Variants in ANO3 observed in about 807,000 individuals in gnomAD.
ANO3 encodes anoctamin 3.
ANO3 carries 99 observed loss-of-function variants against 144.8 expected under a neutral mutation model. The observed-to-expected ratio is 0.68, with a 90% CI of 0.58 to 0.81. The LOEUF is 0.81. ANO3 is among the 30% of genes least tolerant of loss of function. The pLI, the probability that ANO3 is intolerant of heterozygous loss-of-function variation, is 0.00. For synonymous variants in ANO3, 414 were observed against 392.6 expected, an observed-to-expected ratio of 1.05 and a Z score of -0.64; for missense variants, 905 against 1,202.2, an observed-to-expected ratio of 0.75 and a Z score of 3.66.
chr11:26,552,501 G>A (rs141065100), intron 12 of ANO3, among the ~76,000 whole-genome samples: 4,111 of 152,126 alleles, frequency 0.027, 94 homozygotes, highest in Non-Finnish European at 0.044. Flanking sequence ...AGAGGAAAGG[G>A]CACAAAGCGT....
chr11:26,459,660 G>A (rs576146590), intron 3 of ANO3, among the ~76,000 whole-genome samples: 3 of 151,690 alleles, frequency 2.0e-5, no homozygotes, highest in Admixed American at 2.0e-4. Context: ...CCTTAGTGAG[G>A]GGAACAAATA....
At chr11:26,214,824 C>T (rs945460465) in intron 1 of ANO3, among the ~76,000 whole-genome samples, 4 of 151,856 alleles carry the variant, frequency 2.6e-5, no homozygotes, top group Non-Finnish European at 4.4e-5. Flanking sequence ...CCATCCAATA[C>T]ACCCCATTAC....
At chr11:26,337,345 G>C (rs1855220600) in intron 1 of ANO3, among the ~76,000 whole-genome samples, 1 of 152,192 alleles carries the variant, frequency 6.6e-6, no homozygotes, top group South Asian at 2.1e-4. Flanking sequence ...GTAAGGGAGA[G>C]AAGTGATGGA....
intron 1 of ANO3, among the ~76,000 whole-genome samples, chr11:26,288,545 A>G (rs569872488): frequency 3.3e-5 from 5 of 152,264 alleles, no homozygotes; most frequent in African/African-American, 1.2e-4. Context: ...TTTAGCTTCA[A>G]TGATAATGAA....
rs1466267802 is a variant in ANO3, at chr11:26,222,211, C to T, written c.154+32881C>T. 2.6e-5 allele frequency among the ~76,000 whole-genome samples: 4 copies of T among 152,246 alleles called. No homozygotes were observed. In the East Asian group the frequency reaches 7.7e-4, roughly 29 times the overall value. On this transcript the variant is annotated intron_variant, in intron 1 of 27. Coordinates refer to the ANO3 transcript ENST00000672621. ...CAGAAGAAAGGGGCTATAGGCCCCA[C>T]ACAAGTCTGAAACACAGAAGAGCGG... is the stretch of plus-strand genomic sequence containing the variant.
intron 1 of ANO3, among the ~76,000 whole-genome samples, chr11:26,398,819 C>A (rs1404518117): frequency 6.6e-6 from 1 of 151,928 alleles, no homozygotes; most frequent in East Asian, 1.9e-4. Flanking sequence ...TGAAGCAGCC[C>A]AGGGAAGGAA....
At chr11:26,214,552 T>C (rs1851999892) in intron 1 of ANO3, among the ~76,000 whole-genome samples, 2 of 151,982 alleles carry the variant, frequency 1.3e-5, no homozygotes, top group Non-Finnish European at 2.9e-5. Flanking sequence ...TAGTTTGTCC[T>C]CTACTCAATT....
intron 12 of ANO3, 127 bp downstream of exon 12, chr11:26,547,677 C>T: frequency 5.2e-6 from 5 of 968,894 alleles, no homozygotes; most frequent in African/African-American, 1.8e-5. Context: ...TTTGCTATTT[C>T]TGTTTTTTGG....
chr11:26,245,292 C>T (rs1024046682), intron 1 of ANO3, among the ~76,000 whole-genome samples: 1 of 152,042 alleles, frequency 6.6e-6, no homozygotes, highest in African/African-American at 2.4e-5. Flanking sequence ...GCATTCTTCC[C>T]CTTTTGTAAT....
At chr11:26,510,058 C>G (rs1038335110) in intron 5 of ANO3, among the ~76,000 whole-genome samples, 3 of 146,902 alleles carry the variant, frequency 2.0e-5, no homozygotes, top group Non-Finnish European at 4.5e-5. Context: ...CACTTGAACC[C>G]GGGAGATGGA....
At chr11:26,544,273 T>TATATATATAC in intron 11 of ANO3, among the ~76,000 whole-genome samples, 132 of 58,068 alleles carry the variant, frequency 2.3e-3, no homozygotes, top group East Asian at 6.9e-3. Context: ...TATATATATA[T>TATATATATAC]ACACACATAC....
At chr11:26,540,611 A>G (rs1849618487) in intron 10 of ANO3, among the ~76,000 whole-genome samples, 1 of 152,196 alleles carries the variant, frequency 6.6e-6, no homozygotes, top group African/African-American at 2.4e-5. Flanking sequence ...AAGAAAAAAA[A>G]TAACCCCATC....
chr11:26,306,467 C>T (rs1854386561), upstream of ANO3, among the ~76,000 whole-genome samples: 1 of 151,816 alleles, frequency 6.6e-6, no homozygotes, highest in South Asian at 2.1e-4. Flanking sequence ...GGGAGGCTGA[C>T]CAGCCTGGGC....
Position 26,656,458 on chromosome 11 carries a change from T to C in ANO3, c.2740T>C (p.Leu914=). The change falls in exon 26 of 27, where the codon TTG becomes CTG. Residue 914 remains leucine (L), a synonymous_variant. Transcript: ENST00000256737. ...LQYWHILAAR[L]AFIIVFEHLV... ...ATACTGGCATATCCTTGCTGCTAGATTGGCCTTCATTATTGTGTTTGAGGT... is the reference window on the plus strand; with the variant it reads ...ATACTGGCATATCCTTGCTGCTAGACTGGCCTTCATTATTGTGTTTGAGGT... 1.2e-6 allele frequency: 2 copies of C among 1,609,506 alleles called. No individual in the cohort carries two copies. The highest frequency in any genetic ancestry group is 1.7e-6 in the Non-Finnish European group (2 of 1,175,864).
At chr11:26,543,694 T>C (rs574700158) in intron 11 of ANO3, among the ~76,000 whole-genome samples, 1 of 152,208 alleles carries the variant, frequency 6.6e-6, no homozygotes, top group East Asian at 1.9e-4. Context: ...CACCTATGAG[T>C]GAGAACATGT....
chr11:26,201,772 T>A (rs1851698310), intron 1 of ANO3, among the ~76,000 whole-genome samples: 1 of 151,898 alleles, frequency 6.6e-6, no homozygotes, highest in Middle Eastern at 3.4e-3. Context: ...GTTTTTTTTT[T>A]TTTTTAACAT....
chr11:26,327,036 G>A (rs1379562312), intron 1 of ANO3, among the ~76,000 whole-genome samples: 1 of 152,180 alleles, frequency 6.6e-6, no homozygotes, highest in African/African-American at 2.4e-5. Context: ...ATGAAGCTAT[G>A]CAAATCTACA....
chr11:26,212,104 T>C (rs539474366), intron 1 of ANO3, among the ~76,000 whole-genome samples: 48 of 152,194 alleles, frequency 3.2e-4, no homozygotes, highest in Admixed American at 5.2e-4. Context: ...AAATACCTAA[T>C]GTAGGTGACA....
chr11:26,640,014 C>CTTT (rs138652976), intron 21 of ANO3, among the ~76,000 whole-genome samples: 2 of 151,032 alleles, frequency 1.3e-5, no homozygotes, highest in Admixed American at 6.6e-5. Context: ...AAATTATATT[C>CTTT]TTTTTTTTTC....
Sources: allele counts gnomAD v4.1 joint callset (sites outside exome capture counted in the v4.1 genomes callset), GRCh38; gene constraint gnomAD v4.1.1; transcripts MANE v1.5; gene names NCBI Gene and HGNC (gene_info 2026-07-23, HGNC 2026-07-21).